STAMBPL1: variants seen among roughly 807,000 people sequenced by gnomAD.
STAMBPL1 encodes the protein AMSH-like protease.
STAMBPL1 carries 44 observed loss-of-function variants against 52.9 expected under a neutral mutation model. The ratio of observed to expected loss-of-function variants is 0.83; its 90% CI spans 0.65 to 1.07. The LOEUF (loss-of-function observed/expected upper bound fraction) is 1.07, where lower values mean the gene tolerates loss of function less well. Ranked by LOEUF, STAMBPL1 falls within the 50% of genes least tolerant of loss-of-function variation. The pLI is 0.00. For synonymous variants in STAMBPL1, 164 were observed against 177.3 expected (o/e 0.92, Z 0.60); for missense variants, 511 against 520.8 (o/e 0.98, Z 0.18).
intron 1 of STAMBPL1, among the ~76,000 whole-genome samples, chr10:88,892,970 A>G (rs1844724590): frequency 6.6e-6 from 1 of 152,348 alleles, no homozygotes; most frequent in East Asian, 1.9e-4. Context: ...ACTTCATTGA[A>G]CTAAGTATCT....
chr10:88,912,061 G>A (rs114923357), intron 5 of STAMBPL1, among the ~76,000 whole-genome samples: 1,768 of 152,306 alleles, frequency 0.012, 38 homozygotes, highest in African/African-American at 0.039. Context: ...TGACCCATGT[G>A]GGAATCTCTG....
intron 3 of STAMBPL1, among the ~76,000 whole-genome samples, chr10:88,908,406 G>A (rs2231784): frequency 1.3e-5 from 2 of 152,142 alleles, no homozygotes; most frequent in Admixed American, 6.5e-5. Context: ...GTAAGGTGGT[G>A]CTCTTTTGGG....
intron 1 of STAMBPL1, among the ~76,000 whole-genome samples, chr10:88,883,810 T>C (rs900164396): frequency 6.6e-6 from 1 of 152,272 alleles, no homozygotes; most frequent in African/African-American, 2.4e-5. Flanking sequence ...GTAATTCTTA[T>C]GTCTTGATTT....
At position 88,916,824 on chromosome 10, in the gene STAMBPL1, T is replaced by C. The variant is rs374500913; in HGVS notation, c.1041+7T>C. On this transcript the variant is annotated splice_region_variant and intron_variant, in intron 8 of 10. Coordinates refer to ENST00000371926, the MANE Select transcript of STAMBPL1 (RefSeq NM_020799.4). The stretch of plus-strand genomic sequence containing the variant: ...CACTCTAGGATGGATCCATGTACGT[T>C]TGACCTTTTGGGTTTCAGTTTTTTT... The C allele has an allele frequency of 1.4e-5, 22 of 1,549,364 alleles. No individual in the cohort carries two copies. The African/African-American group carries it at 2.6e-4, about 18-fold the overall frequency.
chr10:88,884,289 T>C (rs1235306682), intron 1 of STAMBPL1, among the ~76,000 whole-genome samples: 1 of 152,320 alleles, frequency 6.6e-6, no homozygotes, highest in South Asian at 2.1e-4. Flanking sequence ...ATTTGACAAG[T>C]AGGCTCTTAA....
chr10:88,886,889 A>C (rs1234342996), intron 1 of STAMBPL1, among the ~76,000 whole-genome samples: 5 of 151,872 alleles, frequency 3.3e-5, no homozygotes, highest in African/African-American at 9.7e-5. Context: ...AATGATGATT[A>C]TGGCTAAATT....
intron 6 of STAMBPL1, among the ~76,000 whole-genome samples, chr10:88,914,028 G>C (rs1005914580): frequency 5.3e-5 from 8 of 152,164 alleles, no homozygotes; most frequent in African/African-American, 1.9e-4. Flanking sequence ...GACACTGTCA[G>C]ATAGAATTTG....
At chr10:88,913,664 G>A (rs1400414632) in intron 6 of STAMBPL1, among the ~76,000 whole-genome samples, 3 of 152,080 alleles carry the variant, frequency 2.0e-5, no homozygotes, top group Middle Eastern at 3.2e-3. Flanking sequence ...TGATGCCCCC[G>A]ATAGAGCAGA....
In STAMBPL1 at chr10:88,914,636, G is replaced by C; in HGVS notation, c.881G>C (p.Cys294Ser). ...ESNTVRGIET[C>S]GILCGKLTHN... is the part of the protein sequence containing the mutation. ...AATACAGTGAGAGGAATAGAAACCT[G>C]TGGAATACTCTGTGGAAAACTGGTA... Residue 294 changes from cysteine (C) to serine (S), a missense_variant, in exon 7 of 11, where the codon TGT becomes TCT. Physicochemically the swap from Cys to Ser is moderately radical, Grantham distance 112 (BLOSUM62 -1). Coordinates refer to ENST00000371926, the MANE Select transcript of STAMBPL1 (RefSeq NM_020799.4). 7.0e-7 allele frequency: 1 copy of C among 1,427,744 alleles called. No individual in the cohort carries two copies. The highest frequency in any genetic ancestry group is 9.2e-7 in the Non-Finnish European group (1 of 1,081,228). The allele number at this position is 1,427,744 out of a possible 1,614,324, so 88.4% of individuals were successfully genotyped here.
At chr10:88,905,321 G>GA in intron 2 of STAMBPL1, 122 bp from the exon 3 acceptor site, 1 of 754,994 alleles carries the variant, frequency 1.3e-6, no homozygotes, top group Non-Finnish European at 2.2e-6. Flanking sequence ...ATTAACTTAT[G>GA]AAAAGATTTC....
chr10:88,897,632 T>A (rs1022183607), intron 1 of STAMBPL1, among the ~76,000 whole-genome samples: 1 of 152,144 alleles, frequency 6.6e-6, no homozygotes, highest in African/African-American at 2.4e-5. Context: ...TCCATTAGTT[T>A]TAAGCCACTC....
chr10:88,885,284 T>G (rs12264141), intron 1 of STAMBPL1, among the ~76,000 whole-genome samples: 12,218 of 152,228 alleles, frequency 0.08, 1,087 homozygotes, highest in African/African-American at 0.21. Flanking sequence ...AGCTTCAGTG[T>G]TCCAGTCCTC....
Position 88,922,509 on chromosome 10 carries a change from T to C in STAMBPL1, c.1254+73T>C, listed in dbSNP as rs1302224799. On this transcript the variant is annotated intron_variant, in intron 10 of 10. Coordinates refer to ENST00000371926, the MANE Select transcript of STAMBPL1 (RefSeq NM_020799.4). ...CCCCCCCAATCTGTTTTTAAATAAA[T>C]AGTAGCAGTCTAATATAAGATAAAA... 5.8e-6 allele frequency: 8 copies of C among 1,382,914 alleles called. No individual in the cohort carries two copies. The Admixed American group carries it at 7.4e-5, about 13-fold the overall frequency. The allele number at this position is 1,382,914 out of a possible 1,614,324, so 85.7% of individuals were successfully genotyped here. A position where few individuals can be genotyped will look rare whatever the true frequency, so the allele number is the denominator to read the frequency against.
chr10:88,907,333 A>G (rs1845101072), intron 3 of STAMBPL1, among the ~76,000 whole-genome samples: 1 of 152,334 alleles, frequency 6.6e-6, no homozygotes, highest in Admixed American at 6.5e-5. Context: ...GAAAATTTAG[A>G]GAATGGTTGG....
intron 5 of STAMBPL1, among the ~76,000 whole-genome samples, chr10:88,911,976 C>G (rs12267680): frequency 0.13 from 19,687 of 152,190 alleles, 1,419 homozygotes; most frequent in African/African-American, 0.15. Flanking sequence ...TCTTCATGAT[C>G]TTCCTGGGAG....
Position 88,913,032 on chromosome 10 carries a change from A to G in STAMBPL1, c.421-69A>G, listed in dbSNP as rs1279889489. The G allele has an allele frequency of 3.0e-6, 4 of 1,327,836 alleles. No homozygotes were observed. The East Asian group carries it at 6.9e-5, about 23-fold the overall frequency. 82.3% of individuals were successfully genotyped at this position (1,327,836 alleles called of 1,614,324 possible). On this transcript the variant is annotated intron_variant, in intron 5 of 10. Transcript: ENST00000371926. ...TTTCTCTGTCTGCTTGAAGACTGAA[A>G]ATGTCTAATTCCAGTTCAATGTTTC...
intron 2 of STAMBPL1, among the ~76,000 whole-genome samples, chr10:88,904,004 T>G (rs1441961821): frequency 6.6e-6 from 1 of 152,246 alleles, no homozygotes; most frequent in Admixed American, 6.5e-5. Context: ...TCCAGATATC[T>G]AATTCACTAT....
rs546337297 is a variant in STAMBPL1, at chr10:88,922,094, C to T, written c.1155-243C>T. Among the ~76,000 whole-genome samples, 31 of 152,180 alleles carry T rather than the reference C, an allele frequency of 2.0e-4. No individual in the cohort carries two copies. In the East Asian group the frequency reaches 2.3e-3, roughly 11 times the overall value. ...TTGGCCTTTCCTCTGGGGTCACACA[C>T]GATAGCTTATTTGCCTTGTCCCCTT... is the stretch of plus-strand genomic sequence containing the variant. On this transcript the variant is annotated intron_variant, in intron 9 of 10. Transcript: ENST00000371926.
chr10:88,895,520 A>G (rs1844789908), intron 1 of STAMBPL1, among the ~76,000 whole-genome samples: 1 of 152,230 alleles, frequency 6.6e-6, no homozygotes, highest in South Asian at 2.1e-4. Context: ...AGCAGAGGTC[A>G]TTAACCTCAC....
Sources: allele counts gnomAD v4.1 joint callset (sites outside exome capture counted in the v4.1 genomes callset), GRCh38; gene constraint gnomAD v4.1.1; transcripts MANE v1.5; gene names NCBI Gene and HGNC (gene_info 2026-07-23, HGNC 2026-07-21).